Variants in LRCH1 observed in about 807,000 individuals in gnomAD.
The protein encoded by LRCH1 is leucine-rich repeat and calponin homology domain-containing protein 1.
LRCH1 carries 23 observed loss-of-function variants against 94.9 expected under a neutral mutation model. The ratio of observed to expected loss-of-function variants is 0.24; its 90% CI spans 0.17 to 0.34. The LOEUF (loss-of-function observed/expected upper bound fraction) is 0.34, where lower values mean the gene tolerates loss of function less well. Among genes scored for constraint, LRCH1 ranks in the 10% least tolerant of loss-of-function variants. LRCH1 has a pLI of 1.00. For synonymous variants in LRCH1, 364 were observed against 354.9 expected (o/e 1.03, Z -0.29); for missense variants, 790 against 945.9 (o/e 0.84, Z 2.16).
intron 1 of LRCH1, among the ~76,000 whole-genome samples, chr13:46,554,604 C>T (rs2050042729): frequency 6.6e-6 from 1 of 152,238 alleles, no homozygotes; most frequent in Non-Finnish European, 1.5e-5. Context: ...CAAGTTACGT[C>T]ATGTGTTACA....
chr13:46,575,681 C>G (rs1335894508), intron 1 of LRCH1, among the ~76,000 whole-genome samples: 1 of 152,144 alleles, frequency 6.6e-6, no homozygotes, highest in Non-Finnish European at 1.5e-5. Flanking sequence ...TGGACAATGA[C>G]TTGAAAGCAA....
chr13:46,714,378 A>G (rs35283972), intron 15 of LRCH1, among the ~76,000 whole-genome samples: 27,569 of 152,142 alleles, frequency 0.18, 3,017 homozygotes, highest in Non-Finnish European at 0.25. Context: ...TATATGCTTA[A>G]GTGTATTTTT....
chr13:46,553,821 G>A, intron 1 of LRCH1, 118 bp downstream of exon 1: 1 of 1,523,578 alleles, frequency 6.6e-7, no homozygotes, highest in South Asian at 1.2e-5. Flanking sequence ...AGGGTCCATC[G>A]GCCCGTTGTC....
intron 1 of LRCH1, among the ~76,000 whole-genome samples, chr13:46,579,699 G>A (rs546344160): frequency 2.3e-4 from 35 of 152,138 alleles, no homozygotes; most frequent in African/African-American, 5.8e-4. Context: ...TTGTTTGTCC[G>A]TTTCAGAGTT....
intron 3 of LRCH1, among the ~76,000 whole-genome samples, chr13:46,675,886 G>C (rs1281390783): frequency 6.6e-6 from 1 of 152,154 alleles, no homozygotes; most frequent in Non-Finnish European, 1.5e-5. Context: ...ACAGAGTTTT[G>C]CTCTGGAAAA....
intron 1 of LRCH1, among the ~76,000 whole-genome samples, chr13:46,612,990 T>C (rs1387089708): frequency 6.6e-6 from 1 of 152,238 alleles, no homozygotes; most frequent in Non-Finnish European, 1.5e-5. Flanking sequence ...TGATGAATAA[T>C]ATGATTTGTT....
rs145265730 is a variant in LRCH1 at position 46,740,963 on chromosome 13, A to T, written c.2086-679A>T. ...GTGAAGCAATTTACATAGTAACTCC[A>T]TGTGGGGGTGTACTTTTACTCTCTA... is the stretch of plus-strand genomic sequence containing the variant. On this transcript the variant is annotated intron_variant, in intron 19 of 19. Coordinates refer to ENST00000389797, the MANE Select transcript of LRCH1 (RefSeq NM_001164211.2). Among the ~76,000 whole-genome samples the T allele has an allele frequency of 2.0e-5, 3 of 152,292 alleles. No individual in the cohort carries two copies. In the East Asian group the frequency reaches 5.8e-4, roughly 29 times the overall value.
At chr13:46,619,113 T>TTCCTTCCTTCCCTCCTTCCTTCCTTCC (rs143168003) in intron 1 of LRCH1, among the ~76,000 whole-genome samples, 1 of 91,068 alleles carries the variant, frequency 1.1e-5, no homozygotes, top group Non-Finnish European at 2.2e-5. Flanking sequence ...CCTTCCTTCC[T>TTCCTTCCTTCCCTCCTTCCTTCCTTCC]TTTTTTTGGT....
chr13:46,653,878 A>C (rs1282626582), intron 2 of LRCH1, among the ~76,000 whole-genome samples: 1 of 152,200 alleles, frequency 6.6e-6, no homozygotes, highest in Non-Finnish European at 1.5e-5. Flanking sequence ...AGTAATCTTT[A>C]AAGTAATCAG....
At chr13:46,689,773 G>A (rs929062684) in intron 7 of LRCH1, among the ~76,000 whole-genome samples, 2 of 152,032 alleles carry the variant, frequency 1.3e-5, no homozygotes, top group African/African-American at 4.8e-5. Flanking sequence ...AAGCTAACAG[G>A]CCTCACACAT....
chr13:46,699,163 G>C (rs1448510967), intron 9 of LRCH1, among the ~76,000 whole-genome samples, 173 bp from the exon 10 acceptor site: 2 of 152,218 alleles, frequency 1.3e-5, no homozygotes, highest in South Asian at 2.1e-4. Context: ...TAATATTCTA[G>C]TGCATGTACA....
chr13:46,707,182 C>A (rs1379830267), intron 13 of LRCH1, among the ~76,000 whole-genome samples: 2 of 152,108 alleles, frequency 1.3e-5, no homozygotes, highest in African/African-American at 4.8e-5. Context: ...GTATCTATAA[C>A]CTTCTTTTAT....
intron 3 of LRCH1, among the ~76,000 whole-genome samples, chr13:46,680,347 A>G (rs2051734657): frequency 6.6e-6 from 1 of 152,180 alleles, no homozygotes; most frequent in South Asian, 2.1e-4. Context: ...TGAATAAGAC[A>G]TGGTCCCTCC....
chr13:46,696,740 C>A (rs1464070173), intron 9 of LRCH1, among the ~76,000 whole-genome samples: 2 of 152,152 alleles, frequency 1.3e-5, no homozygotes, highest in African/African-American at 2.4e-5. Flanking sequence ...AAATCAGGCC[C>A]GTATTAGGCT....
chr13:46,661,942 C>T (rs901621108), intron 2 of LRCH1, among the ~76,000 whole-genome samples: 21 of 152,032 alleles, frequency 1.4e-4, no homozygotes, highest in Admixed American at 6.6e-4. Context: ...GGCCAGGCGC[C>T]GTGGCTCATG....
At chr13:46,593,628 G>A (rs1180322522) in intron 1 of LRCH1, among the ~76,000 whole-genome samples, 1 of 152,108 alleles carries the variant, frequency 6.6e-6, no homozygotes, top group African/African-American at 2.4e-5. Context: ...AGTTAACCGT[G>A]GGCAGGTCTG....
chr13:46,577,045 C>G (rs1426247062), intron 1 of LRCH1, among the ~76,000 whole-genome samples: 4 of 152,138 alleles, frequency 2.6e-5, no homozygotes, highest in African/African-American at 9.7e-5. Flanking sequence ...TTCTTTCAGG[C>G]CAGCAGGAAA....
At chr13:46,640,053 CT>C (rs2051139939) in intron 1 of LRCH1, among the ~76,000 whole-genome samples, 1 of 152,232 alleles carries the variant, frequency 6.6e-6, no homozygotes, top group South Asian at 2.1e-4. Flanking sequence ...ATAGTTGGCA[CT>C]GTGATGAGTG....
chr13:46,701,709 T>C (rs1281287856), intron 11 of LRCH1, among the ~76,000 whole-genome samples: 1 of 152,220 alleles, frequency 6.6e-6, no homozygotes, highest in Non-Finnish European at 1.5e-5. Flanking sequence ...TGATCGATAA[T>C]AGGCACTACA....
Sources: allele counts gnomAD v4.1 joint callset (sites outside exome capture counted in the v4.1 genomes callset), GRCh38; gene constraint gnomAD v4.1.1; transcripts MANE v1.5; gene names NCBI Gene and HGNC (gene_info 2026-07-23, HGNC 2026-07-21).